The following HDAC9 variants were observed in gnomAD, a reference collection of about 807,000 sequenced individuals.
The protein encoded by HDAC9 is histone deacetylase 9, also known as MEF-2 interacting transcription repressor (MITR) protein.
HDAC9 carries 41 observed loss-of-function variants against 139.4 expected under a neutral mutation model. That is an observed-to-expected ratio of 0.29 (90% confidence interval 0.23 to 0.38). HDAC9 has a LOEUF of 0.38. HDAC9 is among the 10% of genes least tolerant of loss of function. The pLI is 1.00. For synonymous variants in HDAC9, 517 were observed against 476.2 expected, an observed-to-expected ratio of 1.09 and a Z score of -1.12; for missense variants, 1,147 against 1,297.0, an observed-to-expected ratio of 0.88 and a Z score of 1.78.
intron 22 of HDAC9, among the ~76,000 whole-genome samples, chr7:18,904,034 CA>C (rs1801976203): frequency 6.6e-6 from 1 of 152,178 alleles, no homozygotes; most frequent in South Asian, 2.1e-4. Flanking sequence ...TTTCGATAGT[CA>C]TAATTACAAT....
intron 22 of HDAC9, among the ~76,000 whole-genome samples, chr7:18,915,537 A>C (rs1803111146): frequency 6.6e-6 from 1 of 151,984 alleles, no homozygotes; most frequent in Admixed American, 6.6e-5. Context: ...GAAGCTTTGA[A>C]AATGAAGCAT....
chr7:18,802,407 G>A (rs147604387), intron 17 of HDAC9, among the ~76,000 whole-genome samples: 210 of 151,994 alleles, frequency 1.4e-3, no homozygotes, highest in Middle Eastern at 0.01. Flanking sequence ...AAGTTTATGA[G>A]ACCCGCTTTA....
chr7:18,826,992 G>C (rs1795496650), intron 17 of HDAC9, among the ~76,000 whole-genome samples: 1 of 151,912 alleles, frequency 6.6e-6, no homozygotes, highest in South Asian at 2.1e-4. Flanking sequence ...GTGCTGCACA[G>C]CTGTAATCCC....
At chr7:18,293,591 G>T (rs778193202) in intron 1 of HDAC9, among the ~76,000 whole-genome samples, 4 of 151,938 alleles carry the variant, frequency 2.6e-5, no homozygotes, top group Non-Finnish European at 5.9e-5. Flanking sequence ...CATCATCTTG[G>T]TTTTTTTCTT....
At chr7:18,092,043 C>T (rs1175752290) in intron 1 of HDAC9, among the ~76,000 whole-genome samples, 1 of 152,138 alleles carries the variant, frequency 6.6e-6, no homozygotes, top group Non-Finnish European at 1.5e-5. Flanking sequence ...GGGCATGACT[C>T]CTTGGAGGTC....
intron 2 of HDAC9, among the ~76,000 whole-genome samples, chr7:18,542,894 G>A (rs557847653): frequency 7.4e-4 from 113 of 152,124 alleles, no homozygotes; most frequent in African/African-American, 2.6e-3. Context: ...ATTTATAATG[G>A]CAAAATTAGA....
chr7:18,995,368 AG>A (rs1786380500), intron 25 of HDAC9, among the ~76,000 whole-genome samples: 1 of 152,230 alleles, frequency 6.6e-6, no homozygotes, highest in African/African-American at 2.4e-5. Context: ...GCACCCTGAA[AG>A]GGTTACTAAA....
At chr7:18,664,148 A>G (rs1411298436) in intron 11 of HDAC9, among the ~76,000 whole-genome samples, 1 of 152,146 alleles carries the variant, frequency 6.6e-6, no homozygotes, top group Admixed American at 6.6e-5. Context: ...CTATGTATTA[A>G]AGAAAAGAAG....
At chr7:18,361,291 A>G (rs1161041120) in intron 1 of HDAC9, among the ~76,000 whole-genome samples, 1 of 152,204 alleles carries the variant, frequency 6.6e-6, no homozygotes, top group East Asian at 1.9e-4. Flanking sequence ...CTCATTAAAA[A>G]TCTCAAACAA....
At chr7:18,985,308 G>C (rs1175270744) in intron 25 of HDAC9, among the ~76,000 whole-genome samples, 3 of 152,002 alleles carry the variant, frequency 2.0e-5, no homozygotes, top group East Asian at 1.9e-4. Flanking sequence ...CTATGAGTGA[G>C]AATATGCGGT....
At chr7:18,990,248 C>CTGTT (rs1357694640) in intron 25 of HDAC9, among the ~76,000 whole-genome samples, 1 of 152,120 alleles carries the variant, frequency 6.6e-6, no homozygotes, top group African/African-American at 2.4e-5. Context: ...GATGTCCTTT[C>CTGTT]TGTTTGTTAG....
At chr7:18,113,783 A>G (rs1783787413) in intron 1 of HDAC9, among the ~76,000 whole-genome samples, 1 of 152,228 alleles carries the variant, frequency 6.6e-6, no homozygotes, top group Admixed American at 6.5e-5. Context: ...CAGTTGAAAC[A>G]TAGTAAGATA....
intron 2 of HDAC9, among the ~76,000 whole-genome samples, chr7:18,283,620 T>C (rs1260857348): frequency 2.6e-5 from 4 of 152,240 alleles, no homozygotes; most frequent in Non-Finnish European, 5.9e-5. Flanking sequence ...TAATTCTTCA[T>C]TTGAAATTCT....
chr7:18,898,165 A>G (rs76558864), intron 22 of HDAC9, among the ~76,000 whole-genome samples: 2,927 of 151,930 alleles, frequency 0.019, 87 homozygotes, highest in African/African-American at 0.066. Context: ...TTGTTTTAAA[A>G]CATTTATTGA....
chr7:18,254,565 A>C (rs1030086622), intron 2 of HDAC9, among the ~76,000 whole-genome samples: 3 of 152,220 alleles, frequency 2.0e-5, no homozygotes, highest in Non-Finnish European at 4.4e-5. Context: ...TAGCATAGAA[A>C]GGCTTTCAGA....
At chr7:18,180,321 T>C (rs1789320138) in intron 2 of HDAC9, among the ~76,000 whole-genome samples, 1 of 152,000 alleles carries the variant, frequency 6.6e-6, no homozygotes, top group Non-Finnish European at 1.5e-5. Flanking sequence ...TCATTATATA[T>C]GGTGCATTGA....
chr7:18,138,080 A>G (rs1044865171), intron 1 of HDAC9, among the ~76,000 whole-genome samples: 3 of 152,218 alleles, frequency 2.0e-5, no homozygotes, highest in Non-Finnish European at 4.4e-5. Flanking sequence ...TAGATTTTCT[A>G]GTTTATTTGC....
chr7:18,950,250 T>G (rs950545959), intron 23 of HDAC9, among the ~76,000 whole-genome samples: 16 of 152,136 alleles, frequency 1.1e-4, no homozygotes, highest in African/African-American at 3.9e-4. Flanking sequence ...GCCCTGGGTC[T>G]TTGTTTCTTT....
chr7:18,307,547 A>G (rs1002310607), intron 1 of HDAC9, among the ~76,000 whole-genome samples: 2 of 152,216 alleles, frequency 1.3e-5, no homozygotes, highest in Non-Finnish European at 2.9e-5. Context: ...TCACGCTTGC[A>G]TTCCCAGCAC....
Sources: allele counts gnomAD v4.1 joint callset (sites outside exome capture counted in the v4.1 genomes callset), GRCh38; gene constraint gnomAD v4.1.1; transcripts MANE v1.5; gene names NCBI Gene and HGNC (gene_info 2026-07-23, HGNC 2026-07-21).